The following TRIM71 variants were observed in gnomAD, a reference collection of about 807,000 sequenced individuals.
The protein encoded by TRIM71 is E3 ubiquitin-protein ligase TRIM71.
Under a neutral mutation model 61.2 loss-of-function variants are expected in TRIM71, and 9 were observed. The observed-to-expected ratio is 0.15, with a 90% CI of 0.09 to 0.26. The LOEUF (loss-of-function observed/expected upper bound fraction) is 0.26. Ranked by LOEUF, TRIM71 falls within the 10% of genes least tolerant of loss-of-function variation. The pLI is 1.00. For missense variants in TRIM71, 998 were observed against 1,238.7 expected, an observed-to-expected ratio of 0.81 and a Z score of 2.92; for synonymous variants, 645 against 553.2, an observed-to-expected ratio of 1.17 and a Z score of -2.33.
At chr3:32,833,218 A>G (rs1696295558) in intron 1 of TRIM71, among the ~76,000 whole-genome samples, 1 of 141,578 alleles carries the variant, frequency 7.1e-6, no homozygotes. Context: ...AAAAAGAGGC[A>G]GCTGTTTTTG....
chr3:32,864,845 G>GGTGT lies in TRIM71; in HGVS notation c.853-8928_853-8925dup, dbSNP rs10522411. On this transcript the variant is annotated intron_variant, in intron 1 of 3. Coordinates refer to ENST00000383763, the MANE Select transcript of TRIM71 (RefSeq NM_001039111.3). The stretch of plus-strand genomic sequence containing the variant: ...ATGATTATACTTTTAAAAATTAAGT[G>GGTGT]GTGTGTGTGTGTGTGTGTGTGTGTG... Among the ~76,000 whole-genome samples, 1,002 of 146,398 alleles carry GGTGT rather than the reference G, an allele frequency of 6.8e-3. 9 individuals carry two copies. Among genetic ancestry groups the GGTGT allele is most frequent in the East Asian group, 0.025 (122 of 4,798 alleles).
At chr3:32,822,622 G>T (rs1172086450) in intron 1 of TRIM71, among the ~76,000 whole-genome samples, 2 of 152,046 alleles carry the variant, frequency 1.3e-5, no homozygotes, top group East Asian at 3.8e-4. Context: ...AGTTTTTTCA[G>T]GTCTGCATAT....
intron 1 of TRIM71, among the ~76,000 whole-genome samples, chr3:32,826,189 T>G (rs950566087): frequency 1.3e-5 from 2 of 152,160 alleles, no homozygotes; most frequent in African/African-American, 4.8e-5. Flanking sequence ...CAGGGTGCGG[T>G]GGCTTACGCC....
At chr3:32,842,573 A>T (rs1280683690) in intron 1 of TRIM71, among the ~76,000 whole-genome samples, 1 of 152,208 alleles carries the variant, frequency 6.6e-6, no homozygotes, top group Non-Finnish European at 1.5e-5. Flanking sequence ...CCCTTCCTGG[A>T]TAGAGTCCAG....
intron 1 of TRIM71, among the ~76,000 whole-genome samples, chr3:32,862,704 C>T (rs1559545385): frequency 1.3e-5 from 2 of 152,212 alleles, no homozygotes; most frequent in Non-Finnish European, 2.9e-5. Context: ...TTTACATGGG[C>T]AGTGATCTCA....
At chr3:32,842,490 A>C (rs999896067) in intron 1 of TRIM71, among the ~76,000 whole-genome samples, 4 of 152,236 alleles carry the variant, frequency 2.6e-5, no homozygotes, top group Non-Finnish European at 4.4e-5. Flanking sequence ...CTGCTGAGTT[A>C]GGTAAAAGAA....
At chr3:32,859,580 G>A (rs1696642588) in intron 1 of TRIM71, among the ~76,000 whole-genome samples, 1 of 152,136 alleles carries the variant, frequency 6.6e-6, no homozygotes, top group Non-Finnish European at 1.5e-5. Context: ...CTGGAGAGGG[G>A]TTTGATTCCA....
Position 32,886,827 on chromosome 3 carries a change from T to G in TRIM71, c.1155+759T>G, listed in dbSNP as rs78664679. Among the ~76,000 whole-genome samples the G allele has an allele frequency of 7.1e-3, 1,076 of 152,320 alleles. 4 individuals carry two copies. The highest frequency in any genetic ancestry group is 0.012 in the Non-Finnish European group (823 of 68,032). On this transcript the variant is annotated intron_variant, in intron 3 of 3. Transcript: ENST00000383763. ...TCTGCAAGTGAACTTTGCTAACTAC[T>G]GGGCCCTACAATGTTCTGCAAGGTG...
chr3:32,856,806 T>C (rs1050262125), intron 1 of TRIM71, among the ~76,000 whole-genome samples: 1 of 152,250 alleles, frequency 6.6e-6, no homozygotes. Context: ...TAACTTGCCT[T>C]GCCACTTACC....
intron 1 of TRIM71, among the ~76,000 whole-genome samples, chr3:32,873,056 T>TCCCTCCCTCC (rs1696812914): frequency 8.6e-6 from 1 of 116,272 alleles, no homozygotes; most frequent in African/African-American, 3.2e-5. Flanking sequence ...CCAGCCCTTC[T>TCCCTCCCTCC]CTCTCTTCCT....
intron 1 of TRIM71, among the ~76,000 whole-genome samples, chr3:32,822,860 A>G (rs1696156817): frequency 6.6e-6 from 1 of 152,344 alleles, no homozygotes; most frequent in African/African-American, 2.4e-5. Context: ...GAAATTTATG[A>G]TAAACTTTGA....
chr3:32,844,979 A>G (rs997641192), intron 1 of TRIM71, among the ~76,000 whole-genome samples: 13 of 152,156 alleles, frequency 8.5e-5, no homozygotes, highest in African/African-American at 3.1e-4. Context: ...AAACTCCCCA[A>G]AGTTGTTTCA....
intron 1 of TRIM71, among the ~76,000 whole-genome samples, chr3:32,847,616 C>G (rs1696490316): frequency 2.0e-5 from 3 of 152,226 alleles, no homozygotes; most frequent in Admixed American, 1.3e-4. Flanking sequence ...AGGCCAGTGC[C>G]TGACTTACTG....
intron 1 of TRIM71, among the ~76,000 whole-genome samples, chr3:32,865,377 T>A (rs975413872): frequency 1.3e-5 from 2 of 152,034 alleles, no homozygotes; most frequent in Non-Finnish European, 2.9e-5. Context: ...AACCCACTGT[T>A]GCAGCCTGCG....
intron 1 of TRIM71, among the ~76,000 whole-genome samples, chr3:32,833,634 T>TTTTATTTATTTATTTA (rs572371235): frequency 4.0e-4 from 58 of 146,786 alleles, no homozygotes; most frequent in East Asian, 8.0e-4. Flanking sequence ...GAGAATGCTT[T>TTTTATTTATTTATTTA]TTTATTTATT....
rs1033072940 is a variant in TRIM71, at chr3:32,873,692, G to C, written c.853-126G>C. On this transcript the variant is annotated intron_variant, in intron 1 of 3. Transcript: ENST00000383763. ...TTACGCCACTGCTGCCTCTCCCTTT[G>C]GGGTGTGCTTGCTCATTGGGGAAGC... 1.4e-5 allele frequency: 12 copies of C among 833,282 alleles called. No individual in the cohort carries two copies. The African/African-American group carries it at 2.0e-4, about 14-fold the overall frequency. 51.6% of individuals were successfully genotyped at this position (833,282 alleles called of 1,614,324 possible). A position where few individuals can be genotyped will look rare whatever the true frequency, so the allele number is the denominator to read the frequency against.
At chr3:32,841,637 A>G (rs1696407106) in intron 1 of TRIM71, among the ~76,000 whole-genome samples, 1 of 152,150 alleles carries the variant, frequency 6.6e-6, no homozygotes, top group Non-Finnish European at 1.5e-5. Flanking sequence ...CCCCAAAAGA[A>G]AAAGCCCCAG....
chr3:32,851,142 C>T (rs766921642), intron 1 of TRIM71, among the ~76,000 whole-genome samples: 31 of 152,128 alleles, frequency 2.0e-4, no homozygotes, highest in Non-Finnish European at 3.1e-4. Context: ...TTGTGTTTCT[C>T]GGGCTGTGGG....
intron 1 of TRIM71, among the ~76,000 whole-genome samples, chr3:32,838,233 A>AT (rs1248507956): frequency 3.3e-5 from 5 of 151,854 alleles, no homozygotes; most frequent in African/African-American, 9.7e-5. Flanking sequence ...TTATTATTAT[A>AT]TTTTTTTGAG....
Sources: allele counts gnomAD v4.1 joint callset (sites outside exome capture counted in the v4.1 genomes callset), GRCh38; gene constraint gnomAD v4.1.1; transcripts MANE v1.5; gene names NCBI Gene and HGNC (gene_info 2026-07-23, HGNC 2026-07-21).